The following CENPO variants were observed in gnomAD, a reference collection of about 807,000 sequenced individuals.
The protein encoded by CENPO is centromeric protein O.
Under a neutral mutation model 36.1 loss-of-function variants are expected in CENPO, and 30 were observed. The ratio of observed to expected loss-of-function variants is 0.83; its 90% confidence interval spans 0.62 to 1.13. The LOEUF is 1.13. Among genes scored for constraint, CENPO ranks in the 50% most tolerant of loss-of-function variants. The pLI, the probability that CENPO is intolerant of heterozygous loss-of-function variation, is 0.00. For synonymous variants in CENPO, 171 were observed against 142.3 expected (o/e 1.20, Z -1.44); for missense variants, 349 against 357.8 (o/e 0.98, Z 0.20).
intron 5 of CENPO, chr2:24,816,250 T>C (rs144783904): frequency 2.6e-5 from 5 of 193,614 alleles, no homozygotes; most frequent in Non-Finnish European, 5.2e-5. Context: ...GCAAATAGGC[T>C]GTAAGTGCCT....
intron 1 of CENPO, 117 bp from the exon 2 acceptor site, chr2:24,793,735 G>T: frequency 1.0e-6 from 1 of 979,182 alleles, no homozygotes; most frequent in South Asian, 1.5e-5. Context: ...GGGGATCCTA[G>T]CCGTGACATT....
At chr2:24,811,401 C>T (rs1161425185) in intron 3 of CENPO, among the ~76,000 whole-genome samples, 2 of 151,382 alleles carry the variant, frequency 1.3e-5, no homozygotes, top group Non-Finnish European at 2.9e-5. Flanking sequence ...CTGCCTCAGC[C>T]TCCTGAGTAG....
Position 24,821,738 on chromosome 2 carries a change from C to A in CENPO, c.*2420C>A. On this transcript the variant is annotated 3_prime_UTR_variant, in exon 8 of 8. Coordinates refer to ENST00000380834, the MANE Select transcript of CENPO (RefSeq NM_001322101.2). ...CAGTGTTCTGGGGGTGGATTCCCTA[C>A]ACCTAGATGTTCAAGGCCTTACTTT... 1 of 1,517,634 alleles carries A rather than the reference C, an allele frequency of 6.6e-7. No individual in the cohort carries two copies. Among genetic ancestry groups the A allele is most frequent in the Non-Finnish European group, 8.9e-7 (1 of 1,129,140 alleles). 94.0% of individuals were successfully genotyped at this position (1,517,634 alleles called of 1,614,324 possible).
Position 24,819,654 on chromosome 2 carries a change from GC to G in CENPO, c.*340del. ...CACCCTCCTGCTCACAGTGGTCAGG[GC>G]CCCTCAGGGGCAAGGACGGCAGGGA... On this transcript the variant is annotated 3_prime_UTR_variant, in exon 8 of 8. Transcript: ENST00000380834. The G allele has an allele frequency of 2.9e-6, 1 of 339,476 alleles. No homozygotes were observed. The highest frequency in any genetic ancestry group is 5.4e-6 in the Non-Finnish European group (1 of 186,184). 21.0% of individuals were successfully genotyped at this position (339,476 alleles called of 1,614,324 possible).
chr2:24,820,961 T>C lies in CENPO; in HGVS notation c.*1643T>C, dbSNP rs978802013. 7.6e-6 allele frequency: 11 copies of C among 1,445,882 alleles called. No homozygotes were observed. The highest frequency in any genetic ancestry group is 4.2e-5 in the African/African-American group (3 of 70,644). The allele number at this position is 1,445,882 out of a possible 1,614,324, so 89.6% of individuals were successfully genotyped here. ...CAAAGCTCCTAATGTAACACATCAT[T>C]GTCCTCATTCAACTTGGCTGTATGC... is the stretch of plus-strand genomic sequence containing the variant. On this transcript the variant is annotated 3_prime_UTR_variant, in exon 8 of 8. Transcript: ENST00000380834.
chr2:24,816,896 G>T (rs1666959643), intron 6 of CENPO, 79 bp downstream of exon 6: 2 of 1,341,212 alleles, frequency 1.5e-6, no homozygotes, highest in South Asian at 2.9e-5. Flanking sequence ...TAGAATCCAT[G>T]AAGTAGACCT....
intron 3 of CENPO, among the ~76,000 whole-genome samples, chr2:24,802,998 A>T (rs1449782939): frequency 7.9e-5 from 12 of 152,190 alleles, no homozygotes; most frequent in Admixed American, 7.9e-4. Flanking sequence ...TATTGCCTCA[A>T]TTTCAGAGCC....
rs1436115540 is a variant in CENPO, at chr2:24,820,643, C to T, written c.*1325C>T. 14 of 1,582,094 alleles carry T rather than the reference C, an allele frequency of 8.8e-6. No individual in the cohort carries two copies. In the African/African-American group the frequency reaches 1.6e-4, roughly 18 times the overall value. The stretch of plus-strand genomic sequence containing the variant: ...TACTGTTCAGGGCCAGGGTGGGAGG[C>T]AGGGGCACGTGGGAAAGCACTGTTC... On this transcript the variant is annotated 3_prime_UTR_variant, in exon 8 of 8. Transcript: ENST00000380834.
chr2:24,803,236 T>C (rs1325355375), intron 3 of CENPO, among the ~76,000 whole-genome samples: 1 of 151,414 alleles, frequency 6.6e-6, no homozygotes, highest in African/African-American at 2.4e-5. Flanking sequence ...TTTATTAGTC[T>C]TGCTAGCGGT....
At position 24,821,832 on chromosome 2, in the gene CENPO, T is replaced by C; in HGVS notation, c.*2514T>C. 1 of 768,060 alleles carries C rather than the reference T, an allele frequency of 1.3e-6. No individual in the cohort carries two copies. The highest frequency in any genetic ancestry group is 1.8e-5 in the African/African-American group (1 of 56,822). The allele number at this position is 768,060 out of a possible 1,614,324, so 47.6% of individuals were successfully genotyped here. A position where few individuals can be genotyped will look rare whatever the true frequency, so the allele number is the denominator to read the frequency against. ...ACTGTGACAAAGTTCACGTAGCAGG[T>C]CTAGGCAAAGACTGGGCAATTGAGC... On this transcript the variant is annotated 3_prime_UTR_variant, in exon 8 of 8. Coordinates refer to ENST00000380834, the MANE Select transcript of CENPO (RefSeq NM_001322101.2).
chr2:24,798,225 G>A (rs1665997349), intron 2 of CENPO, among the ~76,000 whole-genome samples: 1 of 151,966 alleles, frequency 6.6e-6, no homozygotes, highest in South Asian at 2.1e-4. Context: ...GGATTTGTGG[G>A]CAAGAATAGG....
At position 24,816,779 on chromosome 2, in the gene CENPO, C is replaced by T. The variant is rs747437796; in HGVS notation, c.728C>T (p.Thr243Ile). Residue 243 changes from threonine to isoleucine, a missense_variant, in exon 6 of 8, where the codon ACA becomes ATA. Coordinates refer to ENST00000380834, the MANE Select transcript of CENPO (RefSeq NM_001322101.2). ...FCARLLYKDL[T>I]ATLPTDVTVT... The stretch of plus-strand genomic sequence containing the variant: ...GCTAGATTGCTGTATAAGGACCTCA[C>T]AGCAACTCTTCCCACTGACGTCACC... 6.2e-6 allele frequency: 10 copies of T among 1,607,522 alleles called. No individual in the cohort carries two copies. The highest frequency in any genetic ancestry group is 2.7e-5 in the African/African-American group (2 of 74,612).
At chr2:24,810,704 C>T (rs1193400847) in intron 3 of CENPO, among the ~76,000 whole-genome samples, 1 of 151,932 alleles carries the variant, frequency 6.6e-6, no homozygotes, top group Non-Finnish European at 1.5e-5. Context: ...GGTGGGGTTT[C>T]ACCACGTTGG....
rs184755498 is a variant in CENPO at position 24,796,095 on chromosome 2, C to T, written c.46+2130C>T. Among the ~76,000 whole-genome samples, 908 of 152,190 alleles carry T rather than the reference C, an allele frequency of 6.0e-3. 9 individuals are homozygous for T. The highest frequency in any genetic ancestry group is 9.1e-3 in the Non-Finnish European group (619 of 68,022). On this transcript the variant is annotated intron_variant, in intron 2 of 7. Coordinates refer to ENST00000380834, the MANE Select transcript of CENPO (RefSeq NM_001322101.2). The stretch of plus-strand genomic sequence containing the variant: ...TGTTGGCCGGGCGCGGTGGCTCACA[C>T]CTGTAATCCCAGCACTTTGGGAGGC...
At chr2:24,806,167 T>A (rs942931053) in intron 3 of CENPO, among the ~76,000 whole-genome samples, 9 of 152,208 alleles carry the variant, frequency 5.9e-5, no homozygotes, top group African/African-American at 2.2e-4. Flanking sequence ...CTAAGACCGT[T>A]GGAAAAGCGC....
Position 24,817,837 on chromosome 2 carries a change from C to A in CENPO, c.*31C>A, listed in dbSNP as rs755540749. 1 of 1,613,482 alleles carries A rather than the reference C, an allele frequency of 6.2e-7. No homozygotes were observed. The highest frequency in any genetic ancestry group is 8.5e-7 in the Non-Finnish European group (1 of 1,179,744). Reference sequence around the variant, plus strand: ...TGTTTTCACTGCACTGGGAGCACATCAGAGGTAAGTAACCAGTACTGAAGA... The same window carrying A: ...TGTTTTCACTGCACTGGGAGCACATAAGAGGTAAGTAACCAGTACTGAAGA... On this transcript the variant is annotated 3_prime_UTR_variant, in exon 7 of 8. Transcript: ENST00000380834.
intron 2 of CENPO, 30 bp downstream of exon 2, chr2:24,793,995 C>T: frequency 6.5e-7 from 1 of 1,543,412 alleles, no homozygotes; most frequent in Non-Finnish European, 9.0e-7. Flanking sequence ...CTCCTTCCTG[C>T]TGCTGCCCAA....
rs1331737529 is a variant in CENPO at position 24,816,836 on chromosome 2, T to G, written c.766+19T>G. ...TGTCAAGGTAAGAAGGGTGCCTCAG[T>G]GCAGAAATTCTCATATCCCAGTTTA... On this transcript the variant is annotated intron_variant, in intron 6 of 7. Coordinates refer to ENST00000380834, the MANE Select transcript of CENPO (RefSeq NM_001322101.2). The G allele has an allele frequency of 6.4e-7, 1 of 1,562,732 alleles. No individual in the cohort carries two copies. The highest frequency in any genetic ancestry group is 8.7e-7 in the Non-Finnish European group (1 of 1,155,646).
chr2:24,793,800 G>T, intron 1 of CENPO, 52 bp from the exon 2 acceptor site: 1 of 1,366,340 alleles, frequency 7.3e-7, no homozygotes, highest in Non-Finnish European at 1.0e-6. Context: ...CTGCCGTCTG[G>T]GTTTGAATGG....
Sources: gnomAD v4.1 joint callset for allele counts (sites outside exome capture counted in the v4.1 genomes callset) on GRCh38, gnomAD v4.1.1 for gene constraint, MANE v1.5 for transcripts, NCBI Gene and HGNC (gene_info 2026-07-23, HGNC 2026-07-21) for gene names.